Variants in SLC24A2 observed in about 807,000 individuals in gnomAD.
SLC24A2 encodes the protein solute carrier family 24 member 2.
In SLC24A2, 36 loss-of-function variants were observed where a neutral mutation model predicts 62.0. The ratio of observed to expected loss-of-function variants is 0.58; its 90% CI spans 0.44 to 0.77. The LOEUF (loss-of-function observed/expected upper bound fraction) is 0.77. Among genes scored for constraint, SLC24A2 ranks in the 30% least tolerant of loss-of-function variants. SLC24A2 has a pLI of 0.00. For missense variants in SLC24A2, 846 were observed against 817.9 expected (o/e 1.03, Z -0.42); for synonymous variants, 358 against 294.0 (o/e 1.22, Z -2.23).
At chr9:19,968,278 T>C in the SLC24A2 span, among the ~76,000 whole-genome samples, 1 of 152,220 alleles carries the variant, frequency 6.6e-6, no homozygotes, top group African/African-American at 2.4e-5. Flanking sequence ...AGAGAGTAAT[T>C]TGACTCTGAA....
chr9:20,135,645 C>T, the SLC24A2 span, among the ~76,000 whole-genome samples: 1 of 151,996 alleles, frequency 6.6e-6, no homozygotes, highest in East Asian at 1.9e-4. Context: ...TAAGTGATAA[C>T]CACAGAGGGG....
At chr9:19,776,673 G>C (rs1298135787) in intron 2 of SLC24A2, among the ~76,000 whole-genome samples, 1 of 152,140 alleles carries the variant, frequency 6.6e-6, no homozygotes, top group African/African-American at 2.4e-5. Flanking sequence ...ATTATTGCTT[G>C]GTCAAGTCAA....
the SLC24A2 span, among the ~76,000 whole-genome samples, chr9:20,102,997 T>C: frequency 5.9e-5 from 9 of 152,182 alleles, no homozygotes; most frequent in Non-Finnish European, 8.8e-5. Context: ...CCCACCCTAA[T>C]ACTGCGCTTT....
intron 7 of SLC24A2, 147 bp downstream of exon 7, chr9:19,573,204 G>A (rs1835888946): frequency 4.8e-6 from 3 of 621,488 alleles, no homozygotes; most frequent in East Asian, 3.0e-5. Context: ...GTGGCACTGG[G>A]AAATACACAC....
At chr9:19,718,368 C>T (rs1264450687) in intron 2 of SLC24A2, among the ~76,000 whole-genome samples, 1 of 140,796 alleles carries the variant, frequency 7.1e-6, no homozygotes, top group Non-Finnish European at 1.5e-5. Context: ...TCGCAGCTCA[C>T]TGCAACCTCT....
intron 2 of SLC24A2, among the ~76,000 whole-genome samples, chr9:19,769,846 G>C (rs1371761684): frequency 1.3e-5 from 2 of 151,962 alleles, no homozygotes; most frequent in South Asian, 4.2e-4. Flanking sequence ...ACACCTACAG[G>C]TCTGTCTACA....
intron 2 of SLC24A2, among the ~76,000 whole-genome samples, chr9:19,726,310 C>T (rs867196883): frequency 2.6e-5 from 4 of 152,104 alleles, no homozygotes; most frequent in African/African-American, 9.7e-5. Flanking sequence ...TATATGCAAC[C>T]AAAAGGTAAA....
At chr9:20,276,342 G>A in the SLC24A2 span, among the ~76,000 whole-genome samples, 8 of 152,206 alleles carry the variant, frequency 5.3e-5, no homozygotes, top group South Asian at 2.1e-4. Context: ...ATCCAGCTGG[G>A]CAGGCAAATT....
At chr9:19,753,584 A>G (rs1822048201) in intron 2 of SLC24A2, among the ~76,000 whole-genome samples, 1 of 152,218 alleles carries the variant, frequency 6.6e-6, no homozygotes, top group African/African-American at 2.4e-5. Context: ...AAATTTCATT[A>G]CTGTGAGCAG....
chr9:19,565,454 T>C (rs1428303195), intron 7 of SLC24A2, among the ~76,000 whole-genome samples: 5 of 150,608 alleles, frequency 3.3e-5, no homozygotes, highest in African/African-American at 7.4e-5. Flanking sequence ...CACTGCTCAA[T>C]GAAATAAAAG....
At chr9:20,263,332 G>C in the SLC24A2 span, among the ~76,000 whole-genome samples, 4 of 152,080 alleles carry the variant, frequency 2.6e-5, no homozygotes, top group African/African-American at 9.7e-5. Context: ...GGCTACTGTA[G>C]CCTTCACCTC....
At chr9:19,659,728 T>A (rs767078446) in intron 2 of SLC24A2, among the ~76,000 whole-genome samples, 5 of 152,166 alleles carry the variant, frequency 3.3e-5, no homozygotes, top group African/African-American at 4.8e-5. Flanking sequence ...CTGTGTTAAC[T>A]GGCAGAGCTG....
intron 8 of SLC24A2, among the ~76,000 whole-genome samples, chr9:19,530,660 C>A (rs1833663121): frequency 6.6e-6 from 1 of 152,180 alleles, no homozygotes; most frequent in African/African-American, 2.4e-5. Context: ...TTCAAATCAA[C>A]ATACTAGGGA....
chr9:20,049,200 A>G, the SLC24A2 span, among the ~76,000 whole-genome samples: 1 of 149,546 alleles, frequency 6.7e-6, no homozygotes, highest in Non-Finnish European at 1.5e-5. Context: ...AAGTAGCCCA[A>G]ACAGGAAGGG....
chr9:20,009,315 G>T, the SLC24A2 span, among the ~76,000 whole-genome samples: 1,003 of 150,944 alleles, frequency 6.6e-3, 7 homozygotes, highest in Non-Finnish European at 9.7e-3. Context: ...AACCCAGAAG[G>T]CAGAGGTTTT....
At chr9:19,698,680 T>C (rs1195057150) in intron 2 of SLC24A2, among the ~76,000 whole-genome samples, 1 of 152,218 alleles carries the variant, frequency 6.6e-6, no homozygotes, top group Non-Finnish European at 1.5e-5. Context: ...CAAAAGAAAT[T>C]TGCTTTAGCT....
At chr9:20,045,658 C>T in the SLC24A2 span, among the ~76,000 whole-genome samples, 1 of 151,972 alleles carries the variant, frequency 6.6e-6, no homozygotes, top group Non-Finnish European at 1.5e-5. Context: ...CTCTTGAATT[C>T]CTGACCTCGT....
intron 2 of SLC24A2, among the ~76,000 whole-genome samples, chr9:19,627,310 A>G (rs748891886): frequency 2.0e-5 from 3 of 152,254 alleles, no homozygotes; most frequent in Non-Finnish European, 2.9e-5. Flanking sequence ...CTTCATGGTC[A>G]TGAAATATTT....
In SLC24A2 at chr9:19,512,660, G is replaced by C. The variant is rs546950005; in HGVS notation, c.*3493C>G. 2.6e-5 allele frequency: 4 copies of C among 152,280 alleles called. No homozygotes were observed. Among genetic ancestry groups the C allele is most frequent in the East Asian group, 1.9e-4 (1 of 5,176 alleles). 9.4% of individuals were successfully genotyped at this position (152,280 alleles called of 1,614,324 possible). On this transcript the variant is annotated 3_prime_UTR_variant, in exon 11 of 11. Transcript: ENST00000341998. The stretch of plus-strand genomic sequence containing the variant: ...TCTGCTGCCTTGGAAGTATGGGGGA[G>C]GGTAGGCGGTGACAGCAAGCAAGAC...
Sources: allele counts gnomAD v4.1 joint callset (sites outside exome capture counted in the v4.1 genomes callset), GRCh38; gene constraint gnomAD v4.1.1; transcripts MANE v1.5; gene names NCBI Gene and HGNC (gene_info 2026-07-23, HGNC 2026-07-21).